Variants in IL16 observed in about 807,000 individuals in gnomAD.
The protein encoded by IL16 is pro-interleukin-16.
In IL16, 67 loss-of-function variants were observed where a neutral mutation model predicts 110.1. The ratio of observed to expected loss-of-function variants is 0.61; its 90% CI spans 0.50 to 0.75. IL16 has a LOEUF of 0.75. Ranked by LOEUF, IL16 falls within the 30% of genes least tolerant of loss-of-function variation. The pLI, the probability that IL16 is intolerant of heterozygous loss-of-function variation, is 0.00. For missense variants in IL16, 1,545 were observed against 1,655.0 expected (o/e 0.93, Z 1.15); for synonymous variants, 689 against 662.9 (o/e 1.04, Z -0.61).
chr15:81,195,864 T>A (rs1464716878), upstream of IL16, among the ~76,000 whole-genome samples: 4 of 152,178 alleles, frequency 2.6e-5, no homozygotes, highest in African/African-American at 9.7e-5. Flanking sequence ...ATGATTAGAT[T>A]CTCCAAGGGG....
intron 2 of IL16, among the ~76,000 whole-genome samples, chr15:81,234,011 C>A (rs1286741470): frequency 1.1e-4 from 16 of 152,016 alleles, no homozygotes; most frequent in Admixed American, 6.6e-4. Context: ...TTGATAAATG[C>A]TCTTACAATT....
In IL16 at chr15:81,199,030, AAT is replaced by A. The variant is rs60097662; in HGVS notation, c.-102+1908_-102+1909del. On this transcript the variant is annotated intron_variant, in intron 1 of 18. Transcript: ENST00000683961. The stretch of plus-strand genomic sequence containing the variant: ...GGGAGACTCCATCTCAAAAAAAAAA[AAT>A]ATATATATATATATATATATATATA... Among the ~76,000 whole-genome samples, 504 of 104,038 alleles carry A rather than the reference AAT, an allele frequency of 4.8e-3. 2 individuals are homozygous for A. The highest frequency in any genetic ancestry group is 0.023 in the Middle Eastern group (5 of 222). The allele number at this position is 104,038 out of a possible 152,430, so 68.3% of individuals were successfully genotyped here.
rs145154023 is a variant in IL16, at chr15:81,308,795, C to G, written c.3996C>G (p.Ser1332=). 1 of 1,609,902 alleles carries G rather than the reference C, an allele frequency of 6.2e-7. No homozygotes were observed. The highest frequency in any genetic ancestry group is 1.3e-5 in the African/African-American group (1 of 74,750). ...QSKETTAAGD[S] ...AGGAAACCACAGCTGCTGGAGACTC[C>G]TAGGCAGGACATGCTGAAGCCAAAG... Residue 1332 remains serine (S), a synonymous_variant, in exon 19 of 19, where the codon TCC becomes TCG. Coordinates refer to ENST00000683961, the MANE Select transcript of IL16 (RefSeq NM_172217.5).
intron 2 of IL16, among the ~76,000 whole-genome samples, chr15:81,239,028 G>A (rs1331283638): frequency 1.3e-5 from 2 of 150,542 alleles, no homozygotes; most frequent in Non-Finnish European, 3.0e-5. Flanking sequence ...TACAGGTAAT[G>A]TGTCATCTTT....
At position 81,303,479 on chromosome 15, in the gene IL16, G is replaced by A. The variant is rs1900396082; in HGVS notation, c.3319-70G>A. 3.8e-6 allele frequency: 4 copies of A among 1,053,804 alleles called. No individual in the cohort carries two copies. Among genetic ancestry groups the A allele is most frequent in the African/African-American group, 3.1e-5 (2 of 64,616 alleles). 65.3% of individuals were successfully genotyped at this position (1,053,804 alleles called of 1,614,324 possible). On this transcript the variant is annotated intron_variant, in intron 15 of 18. Transcript: ENST00000683961. This position sits in a 1 kb window ranked among gnomAD's most constrained non-coding sequence, Gnocchi z 4.1. ...GTTTGAGATAACAAATCAGTCTGAT[G>A]TCAGTCCGATGTTAAATTGTTCATC...
In IL16 at chr15:81,293,215, T is replaced by C. The variant is rs145367184; in HGVS notation, c.1902+178T>C. Among the ~76,000 whole-genome samples the C allele has an allele frequency of 1.6e-4, 24 of 152,344 alleles. No individual in the cohort carries two copies. The East Asian group carries it at 4.6e-3, about 29-fold the overall frequency. ...GACCATGAAAAGATGGGTTTGAAGG[T>C]TGACAGATAATTGAAGTCCCAGTCC... On this transcript the variant is annotated intron_variant, in intron 12 of 18. Coordinates refer to ENST00000683961, the MANE Select transcript of IL16 (RefSeq NM_172217.5).
Position 81,303,726 on chromosome 15 carries a change from G to C in IL16, c.3420+76G>C, listed in dbSNP as rs1900411589. 1.0e-6 allele frequency: 1 copy of C among 964,486 alleles called. No individual in the cohort carries two copies. The highest frequency in any genetic ancestry group is 1.6e-5 in the African/African-American group (1 of 63,012). The allele number at this position is 964,486 out of a possible 1,614,324, so 59.7% of individuals were successfully genotyped here. The stretch of plus-strand genomic sequence containing the variant: ...GGGAGGGGGACACACTTGCCAGGAA[G>C]GGGCCCTGTGCTGGGGAAATGAAGA... On this transcript the variant is annotated intron_variant, in intron 16 of 18. Coordinates refer to ENST00000683961, the MANE Select transcript of IL16 (RefSeq NM_172217.5). This position sits in a 1 kb window ranked among gnomAD's most constrained non-coding sequence, Gnocchi z 4.1.
chr15:81,258,526 C>A (rs1898028859), intron 2 of IL16, among the ~76,000 whole-genome samples: 2 of 152,032 alleles, frequency 1.3e-5, no homozygotes, highest in African/African-American at 4.8e-5. Flanking sequence ...CATGATGAAA[C>A]TCCGTCTCTA....
chr15:81,303,193 T>TG lies in IL16; in HGVS notation c.3319-356_3319-355insG, dbSNP rs1387328465. Reference sequence around the variant, plus strand: ...CTGTTTTGTTTTTTGTTGTTTTTTTTTTTTGTTTTGTTTTACCTGAAGTCC... The same window carrying TG: ...CTGTTTTGTTTTTTGTTGTTTTTTTTGTTTTGTTTTGTTTTACCTGAAGTCC... On this transcript the variant is annotated intron_variant, in intron 15 of 18. Transcript: ENST00000683961. This position sits in a 1 kb window ranked among gnomAD's most constrained non-coding sequence, Gnocchi z 4.1. 38 of 180,762 alleles carry TG rather than the reference T, an allele frequency of 2.1e-4. No individual in the cohort carries two copies. Among genetic ancestry groups the TG allele is most frequent in the African/African-American group, 9.1e-4 (37 of 40,496 alleles). 11.2% of individuals were successfully genotyped at this position (180,762 alleles called of 1,614,324 possible). A position where few individuals can be genotyped will look rare whatever the true frequency, so the allele number is the denominator to read the frequency against.
At chr15:81,243,332 T>C (rs1458237551) in intron 2 of IL16, among the ~76,000 whole-genome samples, 2 of 150,422 alleles carry the variant, frequency 1.3e-5, no homozygotes, top group Non-Finnish European at 3.0e-5. Context: ...TGTGCCACCA[T>C]GCCTGGCTAA....
At chr15:81,290,125 G>A (rs1316103654) in intron 10 of IL16, 1 of 383,686 alleles carries the variant, frequency 2.6e-6, no homozygotes, top group African/African-American at 2.0e-5. Context: ...TGACAGCATT[G>A]CCAAGAACGG....
At chr15:81,290,102 A>T in intron 10 of IL16, 1 of 337,960 alleles carries the variant, frequency 3.0e-6, no homozygotes, top group Non-Finnish European at 5.6e-6. Flanking sequence ...TATTGTTGAT[A>T]ATGATGATGT....
At chr15:81,274,974 T>C (rs1272291148) in intron 6 of IL16, among the ~76,000 whole-genome samples, 1 of 151,900 alleles carries the variant, frequency 6.6e-6, no homozygotes, top group Non-Finnish European at 1.5e-5. Context: ...AGGCTCCAGC[T>C]CCAAGGACTG....
chr15:81,196,514 G>T (rs1475812899), upstream of IL16, among the ~76,000 whole-genome samples: 1 of 152,176 alleles, frequency 6.6e-6, no homozygotes, highest in Admixed American at 6.5e-5. Context: ...TGAGTAGCTG[G>T]GATTATAGGC....
chr15:81,200,237 A>ATATT (rs147297511), intron 1 of IL16, among the ~76,000 whole-genome samples: 2 of 151,722 alleles, frequency 1.3e-5, no homozygotes, highest in African/African-American at 2.4e-5. Flanking sequence ...TTAGTTATAT[A>ATATT]TATTTATTTA....
chr15:81,185,862 G>A (rs933481663), intron 1 of IL16, among the ~76,000 whole-genome samples: 2 of 152,162 alleles, frequency 1.3e-5, no homozygotes, highest in African/African-American at 4.8e-5. Flanking sequence ...GCAAATGGGC[G>A]AATTGTAGAA....
intron 1 of IL16, among the ~76,000 whole-genome samples, chr15:81,222,311 A>G (rs1388707857): frequency 2.0e-5 from 3 of 150,800 alleles, no homozygotes; most frequent in Admixed American, 6.6e-5. Flanking sequence ...CGGCCCTTGG[A>G]TGTCACTGTT....
intron 4 of IL16, 62 bp from the exon 5 acceptor site, chr15:81,269,476 G>C: frequency 1.8e-6 from 2 of 1,115,288 alleles, no homozygotes; most frequent in East Asian, 4.7e-5. Context: ...CCCCTTCCTT[G>C]TGAGGCATGT....
upstream of IL16, among the ~76,000 whole-genome samples, chr15:81,195,567 G>C (rs950966922): frequency 6.6e-6 from 1 of 152,146 alleles, no homozygotes; most frequent in Non-Finnish European, 1.5e-5. Flanking sequence ...CCCTCCTCCC[G>C]TGCTTCCCTT....
Sources: gnomAD v4.1 joint callset for allele counts (sites outside exome capture counted in the v4.1 genomes callset) on GRCh38, gnomAD v4.1.1 for gene constraint, Gnocchi (gnomAD v3.1) non-coding constraint, MANE v1.5 for transcripts, NCBI Gene and HGNC (gene_info 2026-07-23, HGNC 2026-07-21) for gene names.